The following NONO variants were observed in gnomAD, a reference collection of about 807,000 sequenced individuals.
NONO encodes the protein non-POU domain-containing octamer-binding protein.
Under a neutral mutation model 40.2 loss-of-function variants are expected in NONO, and 6 were observed. The ratio of observed to expected loss-of-function variants is 0.15; its 90% CI spans 0.08 to 0.29. NONO has a LOEUF of 0.29. Among genes scored for constraint, NONO ranks in the 10% least tolerant of loss-of-function variants. NONO has a pLI of 1.00. For missense variants in NONO, 133 were observed against 397.8 expected, an observed-to-expected ratio of 0.33 and a Z score of 5.66; for synonymous variants, 89 against 123.3, an observed-to-expected ratio of 0.72 and a Z score of 1.85.
intron 3 of NONO, among the ~76,000 whole-genome samples, chrX:71,291,149 A>C (rs1045680908): frequency 1.8e-5 from 2 of 112,454 alleles, no homozygotes; most frequent in African/African-American, 6.5e-5. Context: ...CTGGTACTGA[A>C]TACTGTACTT....
intron 4 of NONO, chrX:71,292,229 C>T: frequency 5.2e-6 from 1 of 191,866 alleles, no homozygotes; most frequent in African/African-American, 3.0e-5. Context: ...CGGAGTATCA[C>T]TCTTGTGGCC....
rs890401869 is a variant in NONO at position 71,300,856 on chromosome X, TAA to T, written c.*788_*789del. On this transcript the variant is annotated 3_prime_UTR_variant, in exon 12 of 12. Coordinates refer to ENST00000276079, the MANE Select transcript of NONO (RefSeq NM_007363.5). ...AGAGATTTTCATTTTAGTGTATCTT[TAA>T]AAAAAAATCTTGTGTTAACTTGCCT... 6.3e-6 allele frequency: 1 copy of T among 159,266 alleles called. No individual in the cohort carries two copies. Among genetic ancestry groups the T allele is most frequent in the Non-Finnish European group, 1.2e-5 (1 of 81,411 alleles). The allele number at this position is 159,266 out of a possible 1,213,427, so 13.1% of individuals were successfully genotyped here. A position where few individuals can be genotyped will look rare whatever the true frequency, so the allele number is the denominator to read the frequency against.
chrX:71,296,678 A>G lies in NONO; in HGVS notation c.746+18A>G, dbSNP rs1487120173. The G allele has an allele frequency of 6.3e-6, 7 of 1,118,245 alleles. No individual in the cohort carries two copies. The highest frequency in any genetic ancestry group is 2.4e-4 in the Middle Eastern group (1 of 4,130). The allele number at this position is 1,118,245 out of a possible 1,213,427, so 92.2% of individuals were successfully genotyped here. ...TTTCACAAGTATGCAGTCTTGATAG[A>G]TTTCCCTATTAGGTGTTTCCTTCTT... On this transcript the variant is annotated intron_variant, in intron 6 of 11. Coordinates refer to ENST00000276079, the MANE Select transcript of NONO (RefSeq NM_007363.5).
intron 9 of NONO, chrX:71,298,156 CAG>C: frequency 2.3e-6 from 1 of 434,774 alleles, no homozygotes; most frequent in South Asian, 3.8e-5. Flanking sequence ...TGTTTAGACT[CAG>C]TGACTATAGG....
Position 71,299,922 on chromosome X carries a change from G to A in NONO, c.1282-20G>A. ...CCAACAATGGCTCTGTTACAGTGTT[G>A]CTCTCTTTTTCTCTTTAAGACCCCA... On this transcript the variant is annotated intron_variant, in intron 11 of 11. Coordinates refer to ENST00000276079, the MANE Select transcript of NONO (RefSeq NM_007363.5). The A allele has an allele frequency of 8.3e-7, 1 of 1,210,303 alleles. No individual in the cohort carries two copies. Among genetic ancestry groups the A allele is most frequent in the African/African-American group, 1.7e-5 (1 of 57,682 alleles).
intron 2 of NONO, among the ~76,000 whole-genome samples, chrX:71,285,440 T>C (rs760636829): frequency 3.6e-5 from 4 of 111,876 alleles, no homozygotes; most frequent in Non-Finnish European, 7.5e-5. Flanking sequence ...GAAAACGACG[T>C]TGCACTATGT....
At chrX:71,284,552 G>A (rs1193980128) in intron 2 of NONO, 99 bp downstream of exon 2, 1 of 111,808 alleles carries the variant, frequency 8.9e-6, no homozygotes, top group Non-Finnish European at 1.9e-5. Flanking sequence ...AGTATATGTT[G>A]CATAGTTTTC....
rs2031330891 is a variant in NONO, at chrX:71,291,687, G to GT, written c.155-89dup. 2.7e-5 allele frequency: 18 copies of GT among 678,247 alleles called. No homozygotes were observed. The South Asian group carries it at 6.6e-4, about 25-fold the overall frequency. 55.9% of individuals were successfully genotyped at this position (678,247 alleles called of 1,213,427 possible). ...GTTTACATTCTCTACAACAATTAAT[G>GT]TTTCCTCATTTATCAGTGGTTATAG... is the stretch of plus-strand genomic sequence containing the variant. On this transcript the variant is annotated intron_variant, in intron 3 of 11. Transcript: ENST00000276079.
Position 71,298,476 on chromosome X carries a change from A to G in NONO, c.1139A>G (p.Gln380Arg). Reference sequence around the variant, plus strand: ...GTATTTTTTGTTTTTCAGAGAGAGCAGGAGATTCGGATGGGTCAGATGGCT... The same window carrying G: ...GTATTTTTTGTTTTTCAGAGAGAGCGGGAGATTCGGATGGGTCAGATGGCT... ...FKGTFPDARE[Q>R]EIRMGQMAMG... is the part of the protein sequence containing the mutation. Residue 380 changes from glutamine to arginine, a missense_variant, in exon 10 of 12, where the codon CAG becomes CGG. Physicochemically the swap from Gln to Arg is conservative, Grantham distance 43. Around this residue, in one of 3 missense-constraint regions of NONO, gnomAD observed 73 missense variants for 162.2 expected, o/e 0.45. Coordinates refer to ENST00000276079, the MANE Select transcript of NONO (RefSeq NM_007363.5). 2 of 1,210,025 alleles carry G rather than the reference A, an allele frequency of 1.7e-6. No individual in the cohort carries two copies. Among genetic ancestry groups the G allele is most frequent in the Non-Finnish European group, 1.1e-6 (1 of 893,818 alleles).
chrX:71,299,296 G>A (rs780970890), intron 11 of NONO, among the ~76,000 whole-genome samples: 1 of 112,591 alleles, frequency 8.9e-6, no homozygotes, highest in Non-Finnish European at 1.9e-5. Flanking sequence ...GATTACTGGC[G>A]TGAGCCACCA....
chrX:71,298,590 T>C (rs983226742), intron 10 of NONO, 82 bp downstream of exon 10: 87 of 1,068,001 alleles, frequency 8.1e-5, no homozygotes, highest in Non-Finnish European at 1.1e-4. Context: ...CTGCCTACTT[T>C]AAGGGGGTGA....
At chrX:71,286,949 T>C (rs2031202239) in intron 2 of NONO, among the ~76,000 whole-genome samples, 1 of 112,332 alleles carries the variant, frequency 8.9e-6, no homozygotes, top group Admixed American at 9.5e-5. Context: ...TTTTCAGTTT[T>C]GGTGGGATGT....
At chrX:71,299,881 G>T (rs1293907117) in intron 11 of NONO, 61 bp from the exon 12 acceptor site, 2 of 1,186,571 alleles carry the variant, frequency 1.7e-6, no homozygotes, top group Admixed American at 2.2e-5. Context: ...AGGGACTACA[G>T]ATGGGTGGGA....
intron 2 of NONO, among the ~76,000 whole-genome samples, chrX:71,285,439 G>A (rs1208961241): frequency 1.8e-5 from 2 of 111,375 alleles, no homozygotes; most frequent in South Asian, 3.7e-4. Flanking sequence ...AGAAAACGAC[G>A]TTGCACTATG....
intron 2 of NONO, among the ~76,000 whole-genome samples, chrX:71,286,371 A>T (rs919080938): frequency 6.3e-5 from 7 of 111,150 alleles, no homozygotes; most frequent in Non-Finnish European, 1.1e-4. Flanking sequence ...TATATAATTT[A>T]CTTATATATA....
chrX:71,290,513 T>C (rs2031300640), intron 2 of NONO, 116 bp from the exon 3 acceptor site: 2 of 523,971 alleles, frequency 3.8e-6, no homozygotes, highest in South Asian at 6.7e-5. Context: ...ACAAATTGTT[T>C]GCCTCTGACA....
rs147579344 is a variant in NONO at position 71,290,742 on chromosome X, G to T, written c.105G>T (p.Gln35His). 3.4e-6 allele frequency: 4 copies of T among 1,188,691 alleles called. No homozygotes were observed. The African/African-American group carries it at 7.0e-5, about 21-fold the overall frequency. ...AGCACCACCAGCAGCAACAGCAGCA[G>T]CCGCCACCACCGCCAATACCTGCAA... Reference protein sequence around the residue: ...QQQHHQQQQQQPPPPPIPANG... With the variant: ...QQQHHQQQQQHPPPPPIPANG... Residue 35 changes from glutamine (Q) to histidine (H), a missense_variant, in exon 3 of 12, where the codon CAG becomes CAT. Coordinates refer to ENST00000276079, the MANE Select transcript of NONO (RefSeq NM_007363.5).
At chrX:71,296,439 A>G in intron 5 of NONO, 126 bp from the exon 6 acceptor site, 1 of 471,097 alleles carries the variant, frequency 2.1e-6, no homozygotes, top group Non-Finnish European at 3.5e-6. Flanking sequence ...TAATGTCATT[A>G]GGTATAAAAA....
chrX:71,299,613 CT>C (rs912703012), intron 11 of NONO, among the ~76,000 whole-genome samples: 3 of 111,606 alleles, frequency 2.7e-5, no homozygotes, highest in African/African-American at 9.8e-5. Context: ...TTTTGTTTTT[CT>C]TTTTTTCTTT....
Sources: allele counts gnomAD v4.1 joint callset (sites outside exome capture counted in the v4.1 genomes callset), GRCh38; gene constraint gnomAD v4.1.1; regional missense constraint gnomAD v4.1.1; transcripts MANE v1.5; gene names NCBI Gene and HGNC (gene_info 2026-07-23, HGNC 2026-07-21).